The following DNAH6 variants were observed in gnomAD, a reference collection of about 807,000 sequenced individuals.
DNAH6 encodes the protein dynein axonemal heavy chain 6.
DNAH6 carries 340 observed loss-of-function variants against 491.4 expected under a neutral mutation model. The ratio of observed to expected loss-of-function variants is 0.69; its 90% CI spans 0.63 to 0.76. The LOEUF (loss-of-function observed/expected upper bound fraction) is 0.76. Ranked by LOEUF, DNAH6 falls within the 30% of genes least tolerant of loss-of-function variation. The pLI, the probability that DNAH6 is intolerant of heterozygous loss-of-function variation, is 0.00. For missense variants in DNAH6, 4,443 were observed against 4,972.2 expected, an observed-to-expected ratio of 0.89 and a Z score of 3.20; for synonymous variants, 1,603 against 1,686.1, an observed-to-expected ratio of 0.95 and a Z score of 1.21.
intron 45 of DNAH6, among the ~76,000 whole-genome samples, chr2:84,692,800 C>A (rs926688827): frequency 2.6e-5 from 4 of 152,164 alleles, no homozygotes; most frequent in African/African-American, 9.7e-5. Context: ...AGATTATTTA[C>A]TCTCTGAGCC....
intron 10 of DNAH6, among the ~76,000 whole-genome samples, chr2:84,556,058 C>G (rs1422323601): frequency 6.6e-6 from 1 of 152,158 alleles, no homozygotes. Flanking sequence ...TAAAATTTCT[C>G]CATTGCCTGT....
intron 47 of DNAH6, among the ~76,000 whole-genome samples, chr2:84,699,269 T>C (rs1255952833): frequency 6.6e-6 from 1 of 151,854 alleles, no homozygotes; most frequent in East Asian, 1.9e-4. Flanking sequence ...ACCCTGCCCC[T>C]CTCTCCCAGA....
intron 63 of DNAH6, among the ~76,000 whole-genome samples, chr2:84,755,582 T>C (rs976682696): frequency 1.3e-5 from 2 of 152,208 alleles, no homozygotes; most frequent in Admixed American, 1.3e-4. Context: ...TACAAAATCA[T>C]GTCACCTTCA....
intron 45 of DNAH6, among the ~76,000 whole-genome samples, chr2:84,693,806 A>T (rs1302752063): frequency 6.6e-6 from 1 of 151,680 alleles, no homozygotes; most frequent in Non-Finnish European, 1.5e-5. Flanking sequence ...TCCTGCAGTA[A>T]ATCCATTTCA....
At chr2:84,471,728 A>T in the DNAH6 span, among the ~76,000 whole-genome samples, 1 of 152,174 alleles carries the variant, frequency 6.6e-6, no homozygotes, top group Non-Finnish European at 1.5e-5. Context: ...TCCTGCAAAA[A>T]CACAAGCATA....
rs182098392 is a variant in DNAH6, at chr2:84,677,040, C to T, written c.6648C>T (p.Gly2216=). ...VTIISACAPP[G]GGRNPVTPRF... is the part of the protein sequence containing the mutation. The stretch of plus-strand genomic sequence containing the variant: ...TCATATCGGCATGTGCACCTCCAGG[C>T]GGTGGCCGCAACCCTGTGACTCCCC... The change falls in exon 41 of 77, where the codon GGC becomes GGT. Residue 2216 remains glycine, a synonymous_variant. Transcript: ENST00000389394. 9.2e-5 allele frequency: 142 copies of T among 1,551,740 alleles called. No homozygotes were observed. The East Asian group carries it at 1.1e-3, about 12-fold the overall frequency.
At chr2:84,472,852 A>G in the DNAH6 span, among the ~76,000 whole-genome samples, 24 of 152,346 alleles carry the variant, frequency 1.6e-4, no homozygotes, top group African/African-American at 5.3e-4. Flanking sequence ...GTAAAGAATG[A>G]AATAAAAGAT....
At chr2:84,506,395 C>A in the DNAH6 span, among the ~76,000 whole-genome samples, 10 of 152,116 alleles carry the variant, frequency 6.6e-5, no homozygotes, top group Non-Finnish European at 1.0e-4. Flanking sequence ...ATATCCTTTG[C>A]CCACTTTTTT....
At chr2:84,786,271 TAA>T (rs1454803342) in intron 67 of DNAH6, among the ~76,000 whole-genome samples, 4 of 151,624 alleles carry the variant, frequency 2.6e-5, no homozygotes, top group Admixed American at 2.6e-4. Flanking sequence ...ACAAAAGTTT[TAA>T]AAAATAGCCA....
chr2:84,478,694 A>G, the DNAH6 span, among the ~76,000 whole-genome samples: 6 of 152,170 alleles, frequency 3.9e-5, no homozygotes, highest in African/African-American at 1.4e-4. Flanking sequence ...AAGCGAAGAG[A>G]GCAAGACTGG....
chr2:84,477,466 T>G, the DNAH6 span, among the ~76,000 whole-genome samples: 1 of 152,202 alleles, frequency 6.6e-6, no homozygotes, highest in African/African-American at 2.4e-5. Context: ...CACATGCCTC[T>G]GACAGACCCC....
intron 64 of DNAH6, chr2:84,778,329 T>C (rs1676355050): frequency 2.3e-6 from 1 of 436,370 alleles, no homozygotes; most frequent in Non-Finnish European, 4.3e-6. Context: ...CGCCTGGCTT[T>C]ATTAATTCTT....
intron 23 of DNAH6, among the ~76,000 whole-genome samples, chr2:84,617,939 C>A (rs1052959000): frequency 6.6e-6 from 1 of 152,020 alleles, no homozygotes; most frequent in Admixed American, 6.6e-5. Flanking sequence ...ACTTTCATAC[C>A]CTCAAGTGAG....
Position 84,548,308 on chromosome 2 carries a change from A to G in DNAH6, c.1207A>G (p.Ser403Gly), listed in dbSNP as rs781726778. Residue 403 changes from serine (S) to glycine (G), a missense_variant, in exon 8 of 77, where the codon AGT becomes GGT. Ser to Gly is a moderately conservative substitution (Grantham distance 56). Around this residue, in one of 3 missense-constraint regions of DNAH6, gnomAD observed 2,977 missense variants for 3,296.6 expected, o/e 0.90. Coordinates refer to ENST00000389394, the MANE Select transcript of DNAH6 (RefSeq NM_001370.2). The stretch of plus-strand genomic sequence containing the variant: ...CTTAGATTATCATAAAGTGCAGAGC[A>G]GTGGAAGTTTCATTAATACACCACA... Reference protein sequence around the residue: ...PFEDYHKVQSSGSFINTPHEL... With the variant: ...PFEDYHKVQSGGSFINTPHEL... 3.1e-6 allele frequency: 5 copies of G among 1,613,814 alleles called. No homozygotes were observed. In the South Asian group the frequency reaches 5.5e-5, roughly 18 times the overall value.
At chr2:84,816,521 C>G (rs6743725) in intron 76 of DNAH6, among the ~76,000 whole-genome samples, 3,657 of 152,200 alleles carry the variant, frequency 0.024, 136 homozygotes, top group African/African-American at 0.083. Context: ...GTCAGGAGTT[C>G]AAGACTAGCC....
At chr2:84,508,489 T>C in the DNAH6 span, among the ~76,000 whole-genome samples, 2 of 152,354 alleles carry the variant, frequency 1.3e-5, no homozygotes, top group African/African-American at 4.8e-5. Context: ...TAGCGGCCTA[T>C]GAATTTTGTT....
chr2:84,761,338 G>A (rs1213324754), intron 63 of DNAH6, among the ~76,000 whole-genome samples: 1 of 151,274 alleles, frequency 6.6e-6, no homozygotes, highest in African/African-American at 2.5e-5. Flanking sequence ...AGGTGGGAAG[G>A]GGATGGAGGA....
At chr2:84,575,047 G>A (rs1682286659) in intron 12 of DNAH6, among the ~76,000 whole-genome samples, 1 of 152,146 alleles carries the variant, frequency 6.6e-6, no homozygotes, top group South Asian at 2.1e-4. Flanking sequence ...CGACTTTGGA[G>A]TACCTTGGCC....
intron 70 of DNAH6, among the ~76,000 whole-genome samples, chr2:84,798,677 G>A (rs2105292540): frequency 6.6e-6 from 1 of 152,290 alleles, no homozygotes; most frequent in African/African-American, 2.4e-5. Flanking sequence ...TTGCCTGCTG[G>A]CCCCTCCCAA....
Sources: allele counts gnomAD v4.1 joint callset (sites outside exome capture counted in the v4.1 genomes callset), GRCh38; gene constraint gnomAD v4.1.1; regional missense constraint gnomAD v4.1.1; transcripts MANE v1.5; gene names NCBI Gene and HGNC (gene_info 2026-07-23, HGNC 2026-07-21).